The following STX12 variants were observed in gnomAD, a reference collection of about 807,000 sequenced individuals.
STX12 encodes syntaxin 12.
In STX12, 17 loss-of-function variants were observed where a neutral mutation model predicts 42.2. The ratio of observed to expected loss-of-function variants is 0.40; its 90% CI spans 0.28 to 0.60. The LOEUF (loss-of-function observed/expected upper bound fraction) is 0.60. Among genes scored for constraint, STX12 ranks in the 20% least tolerant of loss-of-function variants. The probability of loss-of-function intolerance (pLI) is 0.39; values close to 1 mark genes in which losing one functional copy is unlikely to be tolerated. For synonymous variants in STX12, 108 were observed against 116.7 expected, an observed-to-expected ratio of 0.93 and a Z score of 0.48; for missense variants, 297 against 330.9, an observed-to-expected ratio of 0.90 and a Z score of 0.79.
At position 27,823,446 on chromosome 1, in the gene STX12, A is replaced by G. The variant is rs769297204; in HGVS notation, c.*1117A>G. ...CATGCATAGTTTTAGACAAAAAAAG[A>G]TGTTTCAATAAAATTACTGTCTTGT... On this transcript the variant is annotated 3_prime_UTR_variant, in exon 9 of 9. Transcript: ENST00000373943. 6.5e-6 allele frequency: 1 copy of G among 152,686 alleles called. No homozygotes were observed. The highest frequency in any genetic ancestry group is 1.5e-5 in the Non-Finnish European group (1 of 68,040). 9.5% of individuals were successfully genotyped at this position (152,686 alleles called of 1,614,324 possible).
In STX12 at chr1:27,773,434, G is replaced by C. The variant is rs2148594685; in HGVS notation, c.118+9G>C. 6.2e-7 allele frequency: 1 copy of C among 1,613,036 alleles called. No individual in the cohort carries two copies. Among genetic ancestry groups the C allele is most frequent in the East Asian group, 2.2e-5 (1 of 44,854 alleles). Reference sequence around the variant, plus strand: ...GCGGATCAGCCAAGCCAGTGAGCCGGGGTACCGAGCTGGGGGGCGGGAGCT... The same window carrying C: ...GCGGATCAGCCAAGCCAGTGAGCCGCGGTACCGAGCTGGGGGGCGGGAGCT... On this transcript the variant is annotated intron_variant, in intron 1 of 8. Transcript: ENST00000373943.
intron 1 of STX12, among the ~76,000 whole-genome samples, chr1:27,788,681 T>G (rs2088716509): frequency 6.6e-6 from 1 of 152,170 alleles, no homozygotes; most frequent in Non-Finnish European, 1.5e-5. Context: ...AGATACTTAA[T>G]CTCTCTAAAT....
intron 1 of STX12, among the ~76,000 whole-genome samples, chr1:27,778,550 G>A (rs916499411): frequency 2.0e-5 from 3 of 152,104 alleles, no homozygotes; most frequent in African/African-American, 7.2e-5. Flanking sequence ...AGTAAGCCGG[G>A]TGTGATGGCA....
At chr1:27,802,121 G>A in intron 4 of STX12, 1 of 178,724 alleles carries the variant, frequency 5.6e-6, no homozygotes. Context: ...AATATAACAG[G>A]CTAGTTTATT....
intron 3 of STX12, among the ~76,000 whole-genome samples, chr1:27,801,137 G>A (rs749973608): frequency 1.3e-5 from 2 of 152,106 alleles, no homozygotes; most frequent in African/African-American, 4.8e-5. Context: ...AGTGACTCAC[G>A]CCTGTAATCC....
At chr1:27,781,645 C>T (rs908547789) in intron 1 of STX12, among the ~76,000 whole-genome samples, 3 of 152,072 alleles carry the variant, frequency 2.0e-5, no homozygotes. Flanking sequence ...ATTTATAATA[C>T]AAGCAATTTT....
intron 3 of STX12, 141 bp downstream of exon 3, chr1:27,793,773 A>G (rs2088765464): frequency 3.2e-6 from 2 of 618,782 alleles, no homozygotes; most frequent in Non-Finnish European, 2.8e-6. Flanking sequence ...TTATCCATCA[A>G]GTGGGGGATA....
rs375910348 is a variant in STX12 at position 27,822,337 on chromosome 1, C to T, written c.*8C>T. On this transcript the variant is annotated 3_prime_UTR_variant, in exon 9 of 9. Transcript: ENST00000373943. ...GTTTATAAAACGAAGTGATTGCCTCCGATCGTTCTCCCGCTGAGCTGTTTT... is the reference window on the plus strand; with the variant it reads ...GTTTATAAAACGAAGTGATTGCCTCTGATCGTTCTCCCGCTGAGCTGTTTT... 8.9e-6 allele frequency: 14 copies of T among 1,568,832 alleles called. No individual in the cohort carries two copies. Among genetic ancestry groups the T allele is most frequent in the East Asian group, 2.2e-5 (1 of 44,676 alleles).
intron 6 of STX12, among the ~76,000 whole-genome samples, chr1:27,815,765 C>T (rs2088937042): frequency 6.6e-6 from 1 of 152,108 alleles, no homozygotes; most frequent in Admixed American, 6.6e-5. Flanking sequence ...TTCCAATAAC[C>T]CTTCAAACCT....
intron 2 of STX12, among the ~76,000 whole-genome samples, chr1:27,791,763 T>C (rs2088742861): frequency 6.6e-6 from 1 of 151,710 alleles, no homozygotes; most frequent in African/African-American, 2.4e-5. Context: ...TGCAGTGAGC[T>C]GAGATCACAT....
At chr1:27,782,323 C>A (rs1367908143) in intron 1 of STX12, among the ~76,000 whole-genome samples, 3 of 152,120 alleles carry the variant, frequency 2.0e-5, no homozygotes, top group Non-Finnish European at 4.4e-5. Context: ...GTGTCAAACT[C>A]CTGGGTTCAA....
rs1166463649 is a variant in STX12 at position 27,823,910 on chromosome 1, C to G, written c.*1581C>G. ...AGACGGAATAGGTGTAGCTGCCTTT[C>G]CTTGAAAAACAGTGTGTAGAGATGG... is the stretch of plus-strand genomic sequence containing the variant. On this transcript the variant is annotated 3_prime_UTR_variant, in exon 9 of 9. Transcript: ENST00000373943. 1 of 152,146 alleles carries G rather than the reference C, an allele frequency of 6.6e-6. No homozygotes were observed. The highest frequency in any genetic ancestry group is 1.9e-4 in the East Asian group (1 of 5,202). 9.4% of individuals were successfully genotyped at this position (152,146 alleles called of 1,614,324 possible). A position where few individuals can be genotyped will look rare whatever the true frequency, so the allele number is the denominator to read the frequency against.
intron 4 of STX12, among the ~76,000 whole-genome samples, chr1:27,803,024 A>C (rs546476335): frequency 2.6e-5 from 4 of 152,216 alleles, no homozygotes; most frequent in Non-Finnish European, 2.9e-5. Flanking sequence ...ATTATCCAGC[A>C]TGTAGCATAG....
rs191377903 is a variant in STX12 at position 27,810,397 on chromosome 1, C to T, written c.470+108C>T. Reference sequence around the variant, plus strand: ...AAAATAGAGGGCAAAAATAAGGGGGCACCTGGAGTGGATAACATAATCCAC... The same window carrying T: ...AAAATAGAGGGCAAAAATAAGGGGGTACCTGGAGTGGATAACATAATCCAC... On this transcript the variant is annotated intron_variant, in intron 5 of 8. Transcript: ENST00000373943. The T allele has an allele frequency of 8.0e-4, 778 of 978,534 alleles. 7 individuals are homozygous for T. In the African/African-American group the frequency reaches 0.011, roughly 14 times the overall value. 60.6% of individuals were successfully genotyped at this position (978,534 alleles called of 1,614,324 possible).
chr1:27,823,406 A>G lies in STX12; in HGVS notation c.*1077A>G, dbSNP rs1291885669. 5 of 152,694 alleles carry G rather than the reference A, an allele frequency of 3.3e-5. No homozygotes were observed. The highest frequency in any genetic ancestry group is 2.0e-4 in the Admixed American group (3 of 15,284). The allele number at this position is 152,694 out of a possible 1,614,324, so 9.5% of individuals were successfully genotyped here. A position where few individuals can be genotyped will look rare whatever the true frequency, so the allele number is the denominator to read the frequency against. On this transcript the variant is annotated 3_prime_UTR_variant, in exon 9 of 9. Coordinates refer to ENST00000373943, the MANE Select transcript of STX12 (RefSeq NM_177424.3). ...TTAGACTTAACCTAATTTATAAACA[A>G]GAGATTAATATCTCCATGCATAGTT...
At chr1:27,792,706 C>T (rs536696056) in intron 2 of STX12, among the ~76,000 whole-genome samples, 2 of 152,174 alleles carry the variant, frequency 1.3e-5, no homozygotes, top group African/African-American at 4.8e-5. Context: ...ATATTATCAC[C>T]TCGGGAATTA....
chr1:27,781,606 T>C (rs1449528642), intron 1 of STX12, among the ~76,000 whole-genome samples: 1 of 152,194 alleles, frequency 6.6e-6, no homozygotes, highest in East Asian at 1.9e-4. Flanking sequence ...TAAGAAATGT[T>C]AGCTCTCATT....
At chr1:27,782,186 CAACCTTG>C (rs2088671830) in intron 1 of STX12, among the ~76,000 whole-genome samples, 1 of 152,120 alleles carries the variant, frequency 6.6e-6, no homozygotes, top group African/African-American at 2.4e-5. Flanking sequence ...TAGGTCACTG[CAACCTTG>C]AACTCAAGGG....
At chr1:27,795,581 C>T (rs780319765) in intron 3 of STX12, among the ~76,000 whole-genome samples, 7 of 152,100 alleles carry the variant, frequency 4.6e-5, no homozygotes, top group Non-Finnish European at 7.4e-5. Context: ...GCTGGGATTA[C>T]AGGCCTGAGC....
Sources: gnomAD v4.1 joint callset for allele counts (sites outside exome capture counted in the v4.1 genomes callset) on GRCh38, gnomAD v4.1.1 for gene constraint, MANE v1.5 for transcripts, NCBI Gene and HGNC (gene_info 2026-07-23, HGNC 2026-07-21) for gene names.